CASZ1: variants seen among roughly 807,000 people sequenced by gnomAD.
The protein encoded by CASZ1 is castor zinc finger 1, also known as zinc finger protein castor homolog 1.
A neutral mutation model predicts 135.2 loss-of-function variants in CASZ1; 28 were observed. That is an observed-to-expected ratio of 0.21 (90% CI 0.15 to 0.28). The LOEUF is 0.28. Among genes scored for constraint, CASZ1 ranks in the 10% least tolerant of loss-of-function variants. The probability of loss-of-function intolerance (pLI) is 1.00; values close to 1 mark genes in which losing one functional copy is unlikely to be tolerated. For missense variants in CASZ1, 2,161 were observed against 2,453.3 expected (o/e 0.88, Z 2.52); for synonymous variants, 1,068 against 1,073.4 (o/e 0.99, Z 0.10).
At chr1:10,790,623 A>C (rs193051012) in intron 1 of CASZ1, among the ~76,000 whole-genome samples, 297 of 152,368 alleles carry the variant, frequency 1.9e-3, no homozygotes, top group Non-Finnish European at 3.5e-3. Context: ...TTTCAATGCC[A>C]AAAGCCTAAA....
rs1425667370 is a variant in CASZ1, at chr1:10,657,651, TG to T, written c.1409+856del. Among the ~76,000 whole-genome samples, 4 of 148,542 alleles carry T rather than the reference TG, an allele frequency of 2.7e-5. No individual in the cohort carries two copies. The highest frequency in any genetic ancestry group is 6.0e-5 in the Non-Finnish European group (4 of 67,036). ...GGGGGCGGAGACAGTGGGATGGGGG[TG>T]GACAGAGACAGAGCAGGACAGGGGA... On this transcript the variant is annotated intron_variant, in intron 7 of 20. Transcript: ENST00000377022. This position sits in a 1 kb window ranked among gnomAD's most constrained non-coding sequence, Gnocchi z 5.7.
chr1:10,710,999 T>C (rs1557524900), intron 2 of CASZ1, among the ~76,000 whole-genome samples: 1 of 152,176 alleles, frequency 6.6e-6, no homozygotes, highest in African/African-American at 2.4e-5. Flanking sequence ...GGTGTGGTGG[T>C]GCACGCCTGT....
intron 9 of CASZ1, 141 bp downstream of exon 9, chr1:10,655,508 T>G: frequency 1.2e-6 from 1 of 828,200 alleles, no homozygotes; most frequent in Non-Finnish European, 1.8e-6. Flanking sequence ...ATCCCTGTGC[T>G]GGGCCAGGGG....
intron 5 of CASZ1, among the ~76,000 whole-genome samples, chr1:10,664,163 G>A (rs1229917498): frequency 5.9e-5 from 9 of 152,224 alleles, no homozygotes; most frequent in Non-Finnish European, 7.3e-5. Flanking sequence ...ATGTGGCTGC[G>A]CAGGGCTCCC....
At chr1:10,793,933 C>T (rs529725653) in intron 1 of CASZ1, among the ~76,000 whole-genome samples, 3 of 152,154 alleles carry the variant, frequency 2.0e-5, no homozygotes, top group Non-Finnish European at 4.4e-5. Context: ...GCGCAGGTCG[C>T]GACGCCCGCC....
chr1:10,651,101 C>A (rs566386592), intron 11 of CASZ1, 25 bp from the exon 12 acceptor site: 1 of 1,472,568 alleles, frequency 6.8e-7, no homozygotes, highest in African/African-American at 1.4e-5. Context: ...TGGGAAGATG[C>A]GTCAGAGGGG....
intron 1 of CASZ1, among the ~76,000 whole-genome samples, chr1:10,781,374 C>G (rs1028329637): frequency 6.6e-6 from 1 of 152,210 alleles, no homozygotes; most frequent in African/African-American, 2.4e-5. Context: ...GGGCAAGGGC[C>G]ACACTCCCGT....
chr1:10,646,866 G>A lies in CASZ1; in HGVS notation c.3498-540C>T, dbSNP rs116830322. Among the ~76,000 whole-genome samples, 1,261 of 152,294 alleles carry A rather than the reference G, an allele frequency of 8.3e-3. 23 individuals are homozygous for A. Among genetic ancestry groups the A allele is most frequent in the African/African-American group, 0.029 (1,206 of 41,552 alleles). ...CTGCTGGGCTCCCCAGGATCAACTCGGGGCCCATGGTGCCCACCCACTCAG... is the reference window on the plus strand; with the variant it reads ...CTGCTGGGCTCCCCAGGATCAACTCAGGGCCCATGGTGCCCACCCACTCAG... On this transcript the variant is annotated intron_variant, in intron 16 of 20. Transcript: ENST00000377022. This position sits in a 1 kb window ranked among gnomAD's most constrained non-coding sequence, Gnocchi z 6.4.
At position 10,757,119 on chromosome 1, in the gene CASZ1, C is replaced by G. The variant is rs572645518; in HGVS notation, c.-77+3582G>C. ...CCGCAAGGAGCCCGACCCACTCAAA[C>G]GAGCCTTTCTCAGCACCCAGCATGG... On this transcript the variant is annotated intron_variant, in intron 2 of 20. Coordinates refer to ENST00000377022, the MANE Select transcript of CASZ1 (RefSeq NM_001079843.3). This position sits in a 1 kb window ranked among gnomAD's most constrained non-coding sequence, Gnocchi z 4.6. Among the ~76,000 whole-genome samples, 2 of 152,170 alleles carry G rather than the reference C, an allele frequency of 1.3e-5. No individual in the cohort carries two copies. The highest frequency in any genetic ancestry group is 2.9e-5 in the Non-Finnish European group (2 of 68,030).
chr1:10,654,433 C>G lies in CASZ1; in HGVS notation c.1824G>C (p.Thr608=). The change falls in exon 10 of 21, where the codon ACG becomes ACC. Residue 608 remains threonine, a synonymous_variant. Coordinates refer to ENST00000377022, the MANE Select transcript of CASZ1 (RefSeq NM_001079843.3). ...CTCCCGCTTACCTGCAGTGGAAGTG[C>G]GTGGTCTTCTGTCCGTAGAACTGGC... ...ADCQFYGQKT[T]HFHCRRPGCT... The G allele has an allele frequency of 6.2e-7, 1 of 1,613,942 alleles. No homozygotes were observed. Among genetic ancestry groups the G allele is most frequent in the Non-Finnish European group, 8.5e-7 (1 of 1,179,908 alleles).
At chr1:10,680,660 G>A (rs900260774) in intron 4 of CASZ1, among the ~76,000 whole-genome samples, 1 of 152,274 alleles carries the variant, frequency 6.6e-6, no homozygotes, top group East Asian at 1.9e-4. Context: ...AGGTCAGCGG[G>A]TGGAGAAGGT....
chr1:10,768,058 A>G (rs1464971939), intron 1 of CASZ1, among the ~76,000 whole-genome samples: 1 of 152,180 alleles, frequency 6.6e-6, no homozygotes, highest in African/African-American at 2.4e-5. Flanking sequence ...AAGGAGCGGG[A>G]GGCCTGCACA....
At chr1:10,644,064 T>G (rs990326863) in intron 18 of CASZ1, among the ~76,000 whole-genome samples, 6 of 152,214 alleles carry the variant, frequency 3.9e-5, no homozygotes, top group Non-Finnish European at 7.3e-5. Context: ...GCAGTTGACT[T>G]TGAGGATGTC....
At chr1:10,648,784 G>A in intron 15 of CASZ1, 1 of 451,310 alleles carries the variant, frequency 2.2e-6, no homozygotes, top group East Asian at 4.0e-5. Flanking sequence ...CTGCTCTGCA[G>A]GGAGCACGTG....
chr1:10,753,829 G>A (rs1389024898), intron 2 of CASZ1, among the ~76,000 whole-genome samples: 1 of 152,192 alleles, frequency 6.6e-6, no homozygotes, highest in Admixed American at 6.5e-5. Context: ...GGTGGGTCTT[G>A]TTTTTTAATA....
At chr1:10,654,344 C>A in intron 10 of CASZ1, 75 bp downstream of exon 10, 1 of 1,582,586 alleles carries the variant, frequency 6.3e-7, no homozygotes, top group South Asian at 1.2e-5. Context: ...GGGGCCTGAG[C>A]CGTCCCACGA....
intron 4 of CASZ1, among the ~76,000 whole-genome samples, chr1:10,677,155 G>C (rs1363907536): frequency 6.6e-6 from 1 of 152,232 alleles, no homozygotes; most frequent in Admixed American, 6.5e-5. Context: ...AGCTCAGGAG[G>C]GGGCAGGTGA....
chr1:10,758,812 G>C (rs1201048152), intron 2 of CASZ1, among the ~76,000 whole-genome samples: 1 of 152,180 alleles, frequency 6.6e-6, no homozygotes, highest in Non-Finnish European at 1.5e-5. Flanking sequence ...TGCCACAGAG[G>C]ACCCCCGCCT....
At chr1:10,664,941 C>T in intron 5 of CASZ1, 142 bp downstream of exon 5, 2 of 1,003,436 alleles carry the variant, frequency 2.0e-6, no homozygotes, top group Non-Finnish European at 2.7e-6. Context: ...TCTCCCACTC[C>T]AGGAGCCCTC....
Sources: gnomAD v4.1 joint callset for allele counts (sites outside exome capture counted in the v4.1 genomes callset) on GRCh38, gnomAD v4.1.1 for gene constraint, Gnocchi (gnomAD v3.1) non-coding constraint, MANE v1.5 for transcripts, NCBI Gene and HGNC (gene_info 2026-07-23, HGNC 2026-07-21) for gene names.